The following TEX14 variants were observed in gnomAD, a reference collection of about 807,000 sequenced individuals.
TEX14 encodes the protein inactive serine/threonine-protein kinase TEX14.
A neutral mutation model predicts 178.6 loss-of-function variants in TEX14; 168 were observed. That is an observed-to-expected ratio of 0.94 (90% CI 0.83 to 1.07). The LOEUF (loss-of-function observed/expected upper bound fraction) is 1.07. Ranked by LOEUF, TEX14 falls within the 50% of genes least tolerant of loss-of-function variation. The probability of loss-of-function intolerance (pLI) is 0.00; values close to 1 mark genes in which losing one functional copy is unlikely to be tolerated. For missense variants in TEX14, 1,730 were observed against 1,753.6 expected (o/e 0.99, Z 0.24); for synonymous variants, 626 against 634.1 (o/e 0.99, Z 0.19).
intron 2 of TEX14, among the ~76,000 whole-genome samples, chr17:58,650,471 A>G (rs1174195982): frequency 6.6e-6 from 1 of 152,170 alleles, no homozygotes; most frequent in African/African-American, 2.4e-5. Flanking sequence ...GATTGAGCTC[A>G]GTGTGAGCTA....
intron 1 of TEX14, among the ~76,000 whole-genome samples, chr17:58,688,277 C>A (rs1371827154): frequency 6.6e-6 from 1 of 151,974 alleles, no homozygotes; most frequent in East Asian, 1.9e-4. Context: ...CCCTCCACCA[C>A]CCCCAGTTAA....
intron 1 of TEX14, chr17:58,660,665 T>A (rs745539170): frequency 1.3e-6 from 1 of 783,802 alleles, no homozygotes. Context: ...TGTTTGTTCA[T>A]CATCCTCTTC....
chr17:58,561,457 G>T, intron 29 of TEX14, 63 bp downstream of exon 29: 1 of 1,135,824 alleles, frequency 8.8e-7, no homozygotes, highest in Non-Finnish European at 1.3e-6. Flanking sequence ...TCTCCAAGAA[G>T]TCTAAAACCT....
intron 2 of TEX14, chr17:58,631,688 C>T (rs1191393041): frequency 1.3e-5 from 2 of 151,440 alleles, no homozygotes; most frequent in Admixed American, 1.3e-4. Flanking sequence ...CAACAGCAAA[C>T]AGCAGTTAGA....
chr17:58,592,618 G>A (rs931828193), intron 15 of TEX14, among the ~76,000 whole-genome samples: 7 of 150,304 alleles, frequency 4.7e-5, no homozygotes, highest in African/African-American at 1.7e-4. Flanking sequence ...ACAGGTGTGA[G>A]CCACCGCACC....
intron 14 of TEX14, among the ~76,000 whole-genome samples, 183 bp from the exon 15 acceptor site, chr17:58,593,844 CTTTTA>C (rs1479826579): frequency 6.6e-6 from 1 of 151,698 alleles, no homozygotes; most frequent in Admixed American, 6.6e-5. Context: ...TTTTGTTTTG[CTTTTA>C]TTTTGAGACG....
At chr17:58,681,405 G>A (rs2047498828) in intron 1 of TEX14, among the ~76,000 whole-genome samples, 1 of 152,152 alleles carries the variant, frequency 6.6e-6, no homozygotes, top group South Asian at 2.1e-4. Flanking sequence ...TTGTTCTCAA[G>A]TCTGATGTTC....
intron 11 of TEX14, 108 bp from the exon 12 acceptor site, chr17:58,602,698 CTTT>C (rs2045486181): frequency 2.6e-6 from 2 of 766,708 alleles, no homozygotes; most frequent in Non-Finnish European, 4.1e-6. Flanking sequence ...CACTTAACTT[CTTT>C]ATTTTTTTTT....
At position 58,622,990 on chromosome 17, in the gene TEX14, G is replaced by C. The variant is rs1488583183; in HGVS notation, c.274C>G (p.Pro92Ala). Residue 92 changes from proline to alanine, a missense_variant, in exon 4 of 32, where the codon CCT becomes GCT. Pro to Ala is a conservative substitution (Grantham distance 27). Transcript: ENST00000349033. ...CCCGAAAATGCTGCTGCATGGACAG[G>C]GGTGCTCCCATCAAAGCAGCGGCTG... Reference protein sequence around the residue: ...PNHRCFDGSTPVHAAAFSGNQ... With the variant: ...PNHRCFDGSTAVHAAAFSGNQ... 8 of 1,600,256 alleles carry C rather than the reference G, an allele frequency of 5.0e-6. No individual in the cohort carries two copies. The South Asian group carries it at 6.6e-5, about 13-fold the overall frequency.
chr17:58,573,194 A>G lies in TEX14; in HGVS notation c.3498T>C (p.Thr1166=). 1 of 1,614,046 alleles carries G rather than the reference A, an allele frequency of 6.2e-7. No individual in the cohort carries two copies. The highest frequency in any genetic ancestry group is 8.5e-7 in the Non-Finnish European group (1 of 1,179,928). ...CCCTGTGATTACCTGGGCTGAGTGG[A>G]GTGCTGACACTGGTAGGTGCATGGT... is the stretch of plus-strand genomic sequence containing the variant. ...KINHAPTSVS[T]PLSPGSVSSA... Residue 1166 remains threonine (T), a synonymous_variant, in exon 23 of 32, where the codon ACT becomes ACC. Transcript: ENST00000349033.
intron 1 of TEX14, among the ~76,000 whole-genome samples, chr17:58,688,450 G>C (rs2143611667): frequency 6.6e-6 from 1 of 152,260 alleles, no homozygotes; most frequent in East Asian, 1.9e-4. Flanking sequence ...AAACGTCTCA[G>C]CATTAGCATT....
chr17:58,561,270 G>C (rs2044267152), intron 29 of TEX14, among the ~76,000 whole-genome samples: 1 of 152,202 alleles, frequency 6.6e-6, no homozygotes, highest in African/African-American at 2.4e-5. Flanking sequence ...AAATGTCAAA[G>C]GTAGCAGGGC....
chr17:58,560,802 C>T (rs1358199378), intron 29 of TEX14, among the ~76,000 whole-genome samples: 1 of 152,178 alleles, frequency 6.6e-6, no homozygotes, highest in Non-Finnish European at 1.5e-5. Context: ...CCACATGTGT[C>T]CTAGGACTCC....
At chr17:58,567,592 G>A (rs1005908873) in intron 26 of TEX14, among the ~76,000 whole-genome samples, 10 of 152,142 alleles carry the variant, frequency 6.6e-5, no homozygotes, top group African/African-American at 2.4e-4. Flanking sequence ...AATAGCAGTT[G>A]AGAGTTCCAG....
chr17:58,562,094 G>GAAGA (rs896538138), intron 28 of TEX14, among the ~76,000 whole-genome samples: 3 of 151,862 alleles, frequency 2.0e-5, no homozygotes, highest in Admixed American at 6.6e-5. Flanking sequence ...CAAAAAAAAA[G>GAAGA]AAGAAAGAAA....
chr17:58,632,489 G>A (rs1187296450), intron 2 of TEX14, among the ~76,000 whole-genome samples: 1 of 152,144 alleles, frequency 6.6e-6, no homozygotes, highest in Non-Finnish European at 1.5e-5. Context: ...GTCACACCCG[G>A]CCATTGCTGT....
intron 25 of TEX14, among the ~76,000 whole-genome samples, chr17:58,570,046 TA>T (rs1269987496): frequency 6.6e-6 from 1 of 151,956 alleles, no homozygotes; most frequent in Non-Finnish European, 1.5e-5. Flanking sequence ...CAATTTTTAA[TA>T]ACAAGGGAAA....
intron 2 of TEX14, among the ~76,000 whole-genome samples, chr17:58,648,791 T>TC (rs2046773151): frequency 1.4e-5 from 2 of 140,264 alleles, no homozygotes; most frequent in African/African-American, 2.7e-5. Flanking sequence ...TTTTTCTTTT[T>TC]TTTTTTTTTT....
intron 2 of TEX14, among the ~76,000 whole-genome samples, chr17:58,641,491 A>T (rs1053554815): frequency 2.8e-5 from 4 of 143,734 alleles, no homozygotes; most frequent in Non-Finnish European, 6.1e-5. Flanking sequence ...TCTTTTATTT[A>T]TTATTATTAT....
Sources: allele counts gnomAD v4.1 joint callset (sites outside exome capture counted in the v4.1 genomes callset), GRCh38; gene constraint gnomAD v4.1.1; transcripts MANE v1.5; gene names NCBI Gene and HGNC (gene_info 2026-07-23, HGNC 2026-07-21).